The following MPDZ variants were observed in gnomAD, a reference collection of about 807,000 sequenced individuals.
MPDZ encodes the protein multiple PDZ domain protein.
Under a neutral mutation model 239.1 loss-of-function variants are expected in MPDZ, and 234 were observed. The observed-to-expected ratio is 0.98, with a 90% CI of 0.88 to 1.09. The LOEUF is 1.09. Ranked by LOEUF, MPDZ falls within the 50% of genes least tolerant of loss-of-function variation. MPDZ has a pLI of 0.00. For synonymous variants in MPDZ, 1,048 were observed against 881.3 expected (o/e 1.19, Z -3.35); for missense variants, 3,175 against 2,510.0 (o/e 1.26, Z -5.66).
chr9:13,133,341 A>G (rs1346521528), intron 32 of MPDZ, among the ~76,000 whole-genome samples: 1 of 152,186 alleles, frequency 6.6e-6, no homozygotes, highest in Non-Finnish European at 1.5e-5. Context: ...AGTCCATGAT[A>G]AAGACTTCTC....
At chr9:13,176,004 G>T in intron 20 of MPDZ, 129 bp from the exon 21 acceptor site, 1 of 1,406,524 alleles carries the variant, frequency 7.1e-7, no homozygotes, top group Non-Finnish European at 9.5e-7. Context: ...ACCAAAACAA[G>T]TTCATAGGTT....
intron 8 of MPDZ, 97 bp downstream of exon 8, chr9:13,219,462 T>A (rs1412691317): frequency 4.7e-6 from 5 of 1,063,208 alleles, no homozygotes; most frequent in Non-Finnish European, 5.5e-6. Context: ...AGCACTAATA[T>A]AGGAACATTA....
intron 36 of MPDZ, among the ~76,000 whole-genome samples, chr9:13,122,889 G>C (rs1355949898): frequency 6.6e-6 from 1 of 152,114 alleles, no homozygotes; most frequent in Non-Finnish European, 1.5e-5. Context: ...AGCAAGGACT[G>C]GTGAACTGAT....
rs199737503 is a variant in MPDZ at position 13,126,740 on chromosome 9, T to C, written c.4497A>G (p.Glu1499=). 1.2e-3 allele frequency: 1,947 copies of C among 1,613,966 alleles called. 3 individuals are homozygous for C. Among genetic ancestry groups the C allele is most frequent in the Non-Finnish European group, 1.6e-3 (1,850 of 1,179,850 alleles). The part of the protein sequence containing the change: ...DQGGLGIAIS[E]EDTLSGVIIK... ...TGATGACTCCACTGAGTGTATCTTC[T>C]TCGCTGATAGCAATACCCAAACCCC... The change falls in exon 33 of 47, where the codon GAA becomes GAG. Residue 1499 remains glutamate, a synonymous_variant. Transcript: ENST00000319217.
chr9:13,165,882 A>C (rs934284834), intron 22 of MPDZ, among the ~76,000 whole-genome samples: 1 of 152,124 alleles, frequency 6.6e-6, no homozygotes, highest in African/African-American at 2.4e-5. Flanking sequence ...CTGGATCTTA[A>C]ACTGGCTGTT....
intron 35 of MPDZ, among the ~76,000 whole-genome samples, chr9:13,123,703 T>G (rs906567370): frequency 2.6e-5 from 4 of 152,192 alleles, no homozygotes; most frequent in Admixed American, 2.6e-4. Flanking sequence ...AACTCATAAC[T>G]GAGATATGTG....
intron 7 of MPDZ, among the ~76,000 whole-genome samples, chr9:13,220,901 T>A (rs1959024191): frequency 6.6e-6 from 1 of 151,962 alleles, no homozygotes; most frequent in African/African-American, 2.4e-5. Context: ...AATAAACTAC[T>A]CAAGTGATAA....
intron 10 of MPDZ, among the ~76,000 whole-genome samples, chr9:13,212,108 GT>G (rs1957692719): frequency 6.6e-6 from 1 of 152,002 alleles, no homozygotes; most frequent in Non-Finnish European, 1.5e-5. Flanking sequence ...TAAAAGTGAA[GT>G]TTTATTTAGA....
chr9:13,120,251 T>TA (rs968432222), intron 38 of MPDZ: 69 of 146,010 alleles, frequency 4.7e-4, no homozygotes, highest in Admixed American at 1.3e-3. Flanking sequence ...CACAAAACTA[T>TA]AAAAAAAAAA....
Position 13,167,560 on chromosome 9 carries a change from C to T in MPDZ, c.3254+806G>A, listed in dbSNP as rs188648755. On this transcript the variant is annotated intron_variant, in intron 22 of 46. Coordinates refer to ENST00000319217, the MANE Select transcript of MPDZ (RefSeq NM_001378778.1). ...AAATAACATTAATACAAAAAAGTCCCCCATACTAGTAATCATTACATCGAT... is the reference window on the plus strand; with the variant it reads ...AAATAACATTAATACAAAAAAGTCCTCCATACTAGTAATCATTACATCGAT... 2.3e-3 allele frequency among the ~76,000 whole-genome samples: 347 copies of T among 152,032 alleles called. 4 individuals are homozygous for T. The highest frequency in any genetic ancestry group is 8.0e-3 in the African/African-American group (330 of 41,468).
At chr9:13,277,429 G>C (rs1295368873) in intron 1 of MPDZ, among the ~76,000 whole-genome samples, 1 of 152,150 alleles carries the variant, frequency 6.6e-6, no homozygotes, top group South Asian at 2.1e-4. Context: ...GAAGAAGAAC[G>C]GAGAGTCAAG....
rs553031422 is a variant in MPDZ at position 13,194,716 on chromosome 9, A to T, written c.1657-1403T>A. Reference sequence around the variant, plus strand: ...ATCCTAGAACTTAAAAGTAAAATTTAAAAAAAAAAGTTCAGTCTGAGCTCT... The same window carrying T: ...ATCCTAGAACTTAAAAGTAAAATTTTAAAAAAAAAGTTCAGTCTGAGCTCT... On this transcript the variant is annotated intron_variant, in intron 13 of 46. Transcript: ENST00000319217. 2.1e-3 allele frequency among the ~76,000 whole-genome samples: 310 copies of T among 149,806 alleles called. 2 individuals carry two copies. The highest frequency in any genetic ancestry group is 6.9e-3 in the African/African-American group (282 of 40,904).
chr9:13,263,334 G>C (rs1010649024), intron 1 of MPDZ, among the ~76,000 whole-genome samples: 3 of 150,140 alleles, frequency 2.0e-5, no homozygotes, highest in African/African-American at 7.4e-5. Context: ...TCTAGTTTTA[G>C]AGGCTAGGAC....
intron 1 of MPDZ, 48 bp downstream of exon 1, chr9:13,279,352 C>A (rs1975131700): frequency 7.0e-6 from 1 of 142,918 alleles, no homozygotes; most frequent in Non-Finnish European, 1.5e-5. Flanking sequence ...GCGCGCAGGG[C>A]GCGGGGGCGC....
In MPDZ at chr9:13,250,374, T is replaced by C. The variant is rs1020367298; in HGVS notation, c.-57-2A>G. The C allele has an allele frequency of 2.3e-5, 33 of 1,463,730 alleles. No individual in the cohort carries two copies. Among genetic ancestry groups the C allele is most frequent in the Non-Finnish European group, 3.0e-5 (32 of 1,068,200 alleles). The allele number at this position is 1,463,730 out of a possible 1,614,324, so 90.7% of individuals were successfully genotyped here. A position where few individuals can be genotyped will look rare whatever the true frequency, so the allele number is the denominator to read the frequency against. On this transcript the variant is annotated splice_acceptor_variant, in intron 1 of 46. Transcript: ENST00000319217. LOFTEE classifies it low-confidence loss of function (5UTR_SPLICE). The stretch of plus-strand genomic sequence containing the variant: ...ATTAACAGCAATTAAAATGGAACTC[T>C]GTGCAAAAAAGAAATAGAATGGTTA...
chr9:13,192,621 T>C (rs1955090886), intron 14 of MPDZ, among the ~76,000 whole-genome samples: 1 of 152,062 alleles, frequency 6.6e-6, no homozygotes, highest in Non-Finnish European at 1.5e-5. Context: ...TATAAAACTT[T>C]GACATTTTGT....
chr9:13,183,372 C>T lies in MPDZ; in HGVS notation c.2649+46G>A, dbSNP rs770010426. 25 of 1,506,204 alleles carry T rather than the reference C, an allele frequency of 1.7e-5. No individual in the cohort carries two copies. In the South Asian group the frequency reaches 3.2e-4, roughly 20 times the overall value. 93.3% of individuals were successfully genotyped at this position (1,506,204 alleles called of 1,614,324 possible). Reference sequence around the variant, plus strand: ...ATAAGGACTGAGCTCTGGAAAATTACACACAAGACTTTCCTATAAAAGAAA... The same window carrying T: ...ATAAGGACTGAGCTCTGGAAAATTATACACAAGACTTTCCTATAAAAGAAA... On this transcript the variant is annotated intron_variant, in intron 19 of 46. Transcript: ENST00000319217.
intron 42 of MPDZ, among the ~76,000 whole-genome samples, chr9:13,112,723 A>C (rs1156665150): frequency 6.6e-6 from 1 of 152,168 alleles, no homozygotes; most frequent in Non-Finnish European, 1.5e-5. Context: ...GTATCTGTTG[A>C]AGAGAAAGGT....
rs190980467 is a variant in MPDZ at position 13,115,852 on chromosome 9, G to A, written c.5380-518C>T. On this transcript the variant is annotated intron_variant, in intron 39 of 46. Coordinates refer to ENST00000319217, the MANE Select transcript of MPDZ (RefSeq NM_001378778.1). ...CCCAGCTACTCAGGAGGCTGAGGCA[G>A]AAGAATGGCGTGAACCTGGGAGGCG... is the stretch of plus-strand genomic sequence containing the variant. Among the ~76,000 whole-genome samples, 871 of 146,540 alleles carry A rather than the reference G, an allele frequency of 5.9e-3. 5 individuals carry two copies. The highest frequency in any genetic ancestry group is 0.021 in the African/African-American group (808 of 39,406).
Sources: gnomAD v4.1 joint callset for allele counts (sites outside exome capture counted in the v4.1 genomes callset) on GRCh38, gnomAD v4.1.1 for gene constraint, MANE v1.5 for transcripts, NCBI Gene and HGNC (gene_info 2026-07-23, HGNC 2026-07-21) for gene names.